Variants in CHD2 observed in about 807,000 individuals in gnomAD.
The protein encoded by CHD2 is chromodomain helicase DNA binding protein 2.
In CHD2, 28 loss-of-function variants were observed where a neutral mutation model predicts 243.9. That is an observed-to-expected ratio of 0.11 (90% CI 0.09 to 0.16). The LOEUF is 0.16. Ranked by LOEUF, CHD2 falls within the 10% of genes least tolerant of loss-of-function variation. The probability of loss-of-function intolerance (pLI) is 1.00; values close to 1 mark genes in which losing one functional copy is unlikely to be tolerated. For synonymous variants in CHD2, 775 were observed against 779.0 expected, an observed-to-expected ratio of 0.99 and a Z score of 0.09; for missense variants, 1,386 against 2,209.8, an observed-to-expected ratio of 0.63 and a Z score of 7.47.
intron 2 of CHD2, among the ~76,000 whole-genome samples, chr15:92,910,698 T>G (rs2052716797): frequency 6.6e-6 from 1 of 152,188 alleles, no homozygotes; most frequent in African/African-American, 2.4e-5. Flanking sequence ...GCCTGGTCCC[T>G]GCCGAGCATT....
In CHD2 at chr15:93,020,480, C is replaced by T. The variant is rs149331300; in HGVS notation, c.5153+222C>T. ...CCTGTGCAGGAAAAGAGTTTTCTGCCGTCTTTTGAGGAAATCTAGTGAAGA... is the reference window on the plus strand; with the variant it reads ...CCTGTGCAGGAAAAGAGTTTTCTGCTGTCTTTTGAGGAAATCTAGTGAAGA... On this transcript the variant is annotated intron_variant, in intron 38 of 38. Coordinates refer to ENST00000394196, the MANE Select transcript of CHD2 (RefSeq NM_001271.4). The T allele has an allele frequency of 5.0e-3, 3,137 of 624,988 alleles. 19 individuals are homozygous for T. The highest frequency in any genetic ancestry group is 0.011 in the South Asian group (518 of 48,400). 38.7% of individuals were successfully genotyped at this position (624,988 alleles called of 1,614,324 possible). A position where few individuals can be genotyped will look rare whatever the true frequency, so the allele number is the denominator to read the frequency against.
intron 13 of CHD2, among the ~76,000 whole-genome samples, chr15:92,950,588 A>T (rs935552714): frequency 6.6e-6 from 1 of 152,088 alleles, no homozygotes; most frequent in African/African-American, 2.4e-5. Context: ...CCCCATCTTT[A>T]CCAAAAAATA....
intron 2 of CHD2, among the ~76,000 whole-genome samples, chr15:92,908,894 G>A (rs2052673471): frequency 6.6e-6 from 1 of 152,082 alleles, no homozygotes. Context: ...CCAGGCAGGC[G>A]GATCACTTGA....
At chr15:92,944,735 A>G (rs2053434613) in intron 10 of CHD2, 2 of 275,116 alleles carry the variant, frequency 7.3e-6, no homozygotes, top group Admixed American at 4.9e-5. Context: ...CTAAACATGT[A>G]GAAGTTTAGA....
At chr15:92,916,115 T>A (rs1196540192) in intron 2 of CHD2, among the ~76,000 whole-genome samples, 1 of 152,222 alleles carries the variant, frequency 6.6e-6, no homozygotes, top group Non-Finnish European at 1.5e-5. Flanking sequence ...GGAAGCCCCC[T>A]CCCCTGCTTC....
chr15:92,962,773 C>A (rs2053707262), intron 16 of CHD2, among the ~76,000 whole-genome samples: 1 of 152,082 alleles, frequency 6.6e-6, no homozygotes, highest in Non-Finnish European at 1.5e-5. Flanking sequence ...GAGTTTTTGT[C>A]TTCTAGTCAT....
chr15:92,901,565 T>C (rs893991201), intron 2 of CHD2: 4 of 470,690 alleles, frequency 8.5e-6, no homozygotes, highest in Non-Finnish European at 1.5e-5. Flanking sequence ...GCCTTTACTG[T>C]AATGTACAGT....
chr15:92,961,289 A>AT (rs55758927), intron 16 of CHD2, among the ~76,000 whole-genome samples: 117,991 of 152,064 alleles, frequency 0.78, 47,018 homozygotes, highest in East Asian at 1. Context: ...TAAGTTTTCT[A>AT]TTCTTCTTGA....
At chr15:93,009,072 G>C in intron 34 of CHD2, 73 bp from the exon 35 acceptor site, 1 of 1,510,784 alleles carries the variant, frequency 6.6e-7, no homozygotes, top group Non-Finnish European at 9.0e-7. Flanking sequence ...TTTTCATCGA[G>C]AGCACAGTAA....
At chr15:92,938,328 GATATAT>G (rs2053299927) in intron 6 of CHD2, among the ~76,000 whole-genome samples, 1 of 152,144 alleles carries the variant, frequency 6.6e-6, no homozygotes, top group African/African-American at 2.4e-5. Flanking sequence ...CTCATTAGTA[GATATAT>G]ATTGCAGTAA....
rs1195504144 is a variant in CHD2 at position 92,942,999 on chromosome 15, A to T, written c.983A>T (p.Gln328Leu). ...ACATGGGAGAGTGAAGAATCCTTAC[A>T]GCAACAGAAAGTGAAGGGCCTAAAA... ...HSTWESEESL[Q>L]QQKVKGLKKL... The change falls in exon 9 of 39, where the codon CAG becomes CTG. Residue 328 changes from glutamine to leucine, a missense_variant. This residue lies in a region of CHD2 where 200 missense variants were observed against 292.5 expected (regional missense o/e 0.68). Transcript: ENST00000394196. 9 of 1,614,144 alleles carry T rather than the reference A, an allele frequency of 5.6e-6. No individual in the cohort carries two copies. Among genetic ancestry groups the T allele is most frequent in the Non-Finnish European group, 7.6e-6 (9 of 1,179,986 alleles).
rs1228932170 is a variant in CHD2, at chr15:92,997,617, T to C, written c.3885+214T>C. ...TAGCCAGGTGAAATTTTGGGGAAAC[T>C]GTAGGAGAAATCTTAAAATTCTGGT... On this transcript the variant is annotated intron_variant, in intron 30 of 38. Coordinates refer to ENST00000394196, the MANE Select transcript of CHD2 (RefSeq NM_001271.4). This position sits in a 1 kb window ranked among gnomAD's most constrained non-coding sequence, Gnocchi z 4.1. 3 of 386,956 alleles carry C rather than the reference T, an allele frequency of 7.8e-6. No individual in the cohort carries two copies. The highest frequency in any genetic ancestry group is 4.2e-5 in the Admixed American group (1 of 23,636). The allele number at this position is 386,956 out of a possible 1,614,324, so 24.0% of individuals were successfully genotyped here.
chr15:92,989,398 G>T (rs1314144761), intron 26 of CHD2, among the ~76,000 whole-genome samples: 1 of 152,068 alleles, frequency 6.6e-6, no homozygotes, highest in Non-Finnish European at 1.5e-5. Flanking sequence ...AAATCATATG[G>T]CAACTCTGGA....
intron 31 of CHD2, among the ~76,000 whole-genome samples, chr15:92,999,177 G>T (rs2054223624): frequency 6.7e-6 from 1 of 149,344 alleles, no homozygotes; most frequent in African/African-American, 2.5e-5. Context: ...CTGAAATGTT[G>T]CTTCAAATTC....
At chr15:92,992,833 G>T in intron 27 of CHD2, 26 bp from the exon 28 acceptor site, 1 of 1,609,746 alleles carries the variant, frequency 6.2e-7, no homozygotes, top group Non-Finnish European at 8.5e-7. Flanking sequence ...GGGTCCTAAA[G>T]TGTCCCCATA....
chr15:92,935,278 C>T (rs1038096964), intron 5 of CHD2, among the ~76,000 whole-genome samples: 4 of 152,120 alleles, frequency 2.6e-5, no homozygotes, highest in African/African-American at 7.2e-5. Flanking sequence ...CCTCGTGATC[C>T]GCCCGCCTCG....
rs1172404631 is a variant in CHD2 at position 92,942,954 on chromosome 15, G to A, written c.938G>A (p.Gly313Asp). The A allele has an allele frequency of 1.2e-6, 2 of 1,613,964 alleles. No individual in the cohort carries two copies. The highest frequency in any genetic ancestry group is 4.5e-5 in the East Asian group (2 of 44,880). The stretch of plus-strand genomic sequence containing the variant: ...ATCCAGTACCTCATCAAGTGGAAGG[G>A]TTGGTCTTACATCCACAGCACATGG... ...GEIQYLIKWK[G>D]WSYIHSTWES... The change falls in exon 9 of 39, where the codon GGT (glycine) becomes GAT (aspartate). Residue 313 changes from glycine to aspartate, a missense_variant. Coordinates refer to ENST00000394196, the MANE Select transcript of CHD2 (RefSeq NM_001271.4).
intron 26 of CHD2, among the ~76,000 whole-genome samples, chr15:92,988,193 C>T (rs1397634225): frequency 6.6e-6 from 1 of 152,036 alleles, no homozygotes; most frequent in Non-Finnish European, 1.5e-5. Context: ...AGTGACTGTC[C>T]TGCCTTAGCC....
At chr15:93,004,876 T>C (rs2054300565) in intron 34 of CHD2, 125 bp downstream of exon 34, 2 of 989,266 alleles carry the variant, frequency 2.0e-6, no homozygotes, top group East Asian at 5.2e-5. Flanking sequence ...GGAAACACAT[T>C]GCTTACAGTA....
Sources: allele counts gnomAD v4.1 joint callset (sites outside exome capture counted in the v4.1 genomes callset), GRCh38; gene constraint gnomAD v4.1.1; regional missense constraint gnomAD v4.1.1; non-coding constraint Gnocchi (gnomAD v3.1); transcripts MANE v1.5; gene names NCBI Gene and HGNC (gene_info 2026-07-23, HGNC 2026-07-21).